Variants in INSYN2B observed in about 807,000 individuals in gnomAD.
The protein encoded by INSYN2B is inhibitory synaptic factor family member 2B, also known as protein INSYN2B.
Under a neutral mutation model 41.2 loss-of-function variants are expected in INSYN2B, and 16 were observed. That is an observed-to-expected ratio of 0.39 (90% CI 0.26 to 0.59). INSYN2B has a LOEUF of 0.59. Ranked by LOEUF, INSYN2B falls within the 20% of genes least tolerant of loss-of-function variation. INSYN2B has a pLI of 0.57. For synonymous variants in INSYN2B, 245 were observed against 244.4 expected (o/e 1.00, Z -0.02); for missense variants, 608 against 646.4 (o/e 0.94, Z 0.64).
At chr5:169,908,796 C>A (rs151322994) in intron 1 of INSYN2B, among the ~76,000 whole-genome samples, 349 of 149,024 alleles carry the variant, frequency 2.3e-3, no homozygotes, top group African/African-American at 8.2e-3. Context: ...CTCACTGCAA[C>A]CTCTGCCTCC....
At chr5:169,872,444 TA>T (rs1362735947) in intron 3 of INSYN2B, among the ~76,000 whole-genome samples, 1 of 152,236 alleles carries the variant, frequency 6.6e-6, no homozygotes, top group Non-Finnish European at 1.5e-5. Flanking sequence ...GCTCATTTTT[TA>T]TAGGGTTTAA....
intron 1 of INSYN2B, among the ~76,000 whole-genome samples, chr5:169,919,864 A>T (rs1438905926): frequency 6.6e-6 from 1 of 152,228 alleles, no homozygotes; most frequent in Admixed American, 6.5e-5. Context: ...GGAAACTTAG[A>T]CATTAACCAG....
rs575345481 is a variant in INSYN2B at position 169,861,842 on chromosome 5, C to A, written c.*2431G>T. Among the ~76,000 whole-genome samples the A allele has an allele frequency of 6.6e-6, 1 of 152,124 alleles. No homozygotes were observed. On this transcript the variant is annotated 3_prime_UTR_variant, in exon 4 of 4. Transcript: ENST00000377365. ...TTTCAGGTCAGTGGCCCAAGCAATG[C>A]GGTGTTGTGCTTTGGTGTAGAATCA...
At chr5:169,974,615 C>T (rs564559492) in intron 1 of INSYN2B, among the ~76,000 whole-genome samples, 7 of 152,034 alleles carry the variant, frequency 4.6e-5, no homozygotes, top group Non-Finnish European at 1.0e-4. Flanking sequence ...AGAGTGGGAG[C>T]GGAGCTGCTT....
chr5:169,900,192 G>A (rs1561807393), intron 1 of INSYN2B, among the ~76,000 whole-genome samples: 1 of 152,162 alleles, frequency 6.6e-6, no homozygotes, highest in Non-Finnish European at 1.5e-5. Flanking sequence ...ACGGTAAGAC[G>A]CAAGCTTTAA....
chr5:169,964,737 T>A (rs888148474), intron 1 of INSYN2B, among the ~76,000 whole-genome samples: 8 of 152,210 alleles, frequency 5.3e-5, no homozygotes, highest in South Asian at 2.1e-4. Flanking sequence ...AGTAGCTGAG[T>A]ATAGTTTCAG....
chr5:169,949,301 T>C (rs993532009), intron 1 of INSYN2B, among the ~76,000 whole-genome samples: 8 of 152,106 alleles, frequency 5.3e-5, no homozygotes, highest in African/African-American at 9.7e-5. Flanking sequence ...AGGAGGGAGA[T>C]CATAATAATG....
At position 169,943,769 on chromosome 5, in the gene INSYN2B, A is replaced by G. The variant is rs559217306; in HGVS notation, c.-919+36508T>C. Among the ~76,000 whole-genome samples the G allele has an allele frequency of 8.1e-4, 123 of 152,256 alleles. No individual in the cohort carries two copies. The Middle Eastern group carries it at 0.01, about 13-fold the overall frequency. On this transcript the variant is annotated intron_variant, in intron 1 of 3. Coordinates refer to ENST00000377365, the MANE Select transcript of INSYN2B (RefSeq NM_001129891.3). ...CCCTTCCCAGGCCTACTGATTCAGA[A>G]CAGTTGACGGTAGGGTCCAGGGACC...
At chr5:169,960,083 G>A (rs1422694) in intron 1 of INSYN2B, among the ~76,000 whole-genome samples, 48,786 of 152,076 alleles carry the variant, frequency 0.32, 9,136 homozygotes, top group African/African-American at 0.52. Context: ...ATGAGGGAAC[G>A]GTCAGGTTGA....
At chr5:169,914,140 A>G (rs908863549) in intron 1 of INSYN2B, among the ~76,000 whole-genome samples, 3 of 152,176 alleles carry the variant, frequency 2.0e-5, no homozygotes, top group Non-Finnish European at 2.9e-5. Context: ...CATCCTGAAG[A>G]CAACCCTTCA....
intron 1 of INSYN2B, among the ~76,000 whole-genome samples, chr5:169,950,232 C>T (rs1001175633): frequency 1.3e-5 from 2 of 152,200 alleles, no homozygotes; most frequent in Non-Finnish European, 2.9e-5. Context: ...AGCTCTAGCT[C>T]CATGCCCCTA....
At chr5:169,894,029 C>T (rs1383520184) in intron 1 of INSYN2B, among the ~76,000 whole-genome samples, 1 of 152,180 alleles carries the variant, frequency 6.6e-6, no homozygotes, top group Non-Finnish European at 1.5e-5. Flanking sequence ...ACCAGTCACA[C>T]ACATTTGGCT....
chr5:169,946,357 G>C (rs1047763383), intron 1 of INSYN2B, among the ~76,000 whole-genome samples: 1 of 152,194 alleles, frequency 6.6e-6, no homozygotes, highest in African/African-American at 2.4e-5. Context: ...TGAGGGGGAC[G>C]AGTCACAGGA....
chr5:169,952,929 G>A (rs547132060), intron 1 of INSYN2B, among the ~76,000 whole-genome samples: 2 of 152,320 alleles, frequency 1.3e-5, no homozygotes, highest in East Asian at 3.9e-4. Context: ...CAGATAGGGA[G>A]AAAACAGTAG....
chr5:169,943,827 C>A (rs947596508), intron 1 of INSYN2B, among the ~76,000 whole-genome samples: 1 of 152,164 alleles, frequency 6.6e-6, no homozygotes, highest in Non-Finnish European at 1.5e-5. Context: ...GTGACTCTGA[C>A]GCTCATTAAG....
At chr5:169,972,014 G>T (rs561211026) in intron 1 of INSYN2B, among the ~76,000 whole-genome samples, 270 of 152,336 alleles carry the variant, frequency 1.8e-3, no homozygotes, top group Non-Finnish European at 2.9e-3. Flanking sequence ...ACTCTTTCCT[G>T]CTGAGCTAGG....
intron 3 of INSYN2B, among the ~76,000 whole-genome samples, chr5:169,865,788 T>C (rs1022440766): frequency 2.0e-5 from 3 of 152,132 alleles, no homozygotes; most frequent in East Asian, 1.9e-4. Flanking sequence ...AAAGACCCCA[T>C]GTTGGTTTAT....
At chr5:169,868,410 C>G (rs1214314931) in intron 3 of INSYN2B, among the ~76,000 whole-genome samples, 1 of 152,180 alleles carries the variant, frequency 6.6e-6, no homozygotes, top group East Asian at 1.9e-4. Flanking sequence ...AATAAACAAA[C>G]AATGACAACA....
At position 169,882,534 on chromosome 5, in the gene INSYN2B, G is replaced by GAA; in HGVS notation, c.1346+17_1346+18dup. On this transcript the variant is annotated intron_variant, in intron 2 of 3. Coordinates refer to ENST00000377365, the MANE Select transcript of INSYN2B (RefSeq NM_001129891.3). ...GACTTCACCCAGTCATTTTTAATATGAAAAAAAAATCTCCTTACCCTTCAG... is the reference window on the plus strand; with the variant it reads ...GACTTCACCCAGTCATTTTTAATATGAAAAAAAAAAATCTCCTTACCCTTCAG... 1 of 1,509,128 alleles carries GAA rather than the reference G, an allele frequency of 6.6e-7. No homozygotes were observed. The highest frequency in any genetic ancestry group is 8.9e-7 in the Non-Finnish European group (1 of 1,120,770). The allele number at this position is 1,509,128 out of a possible 1,614,324, so 93.5% of individuals were successfully genotyped here. A position where few individuals can be genotyped will look rare whatever the true frequency, so the allele number is the denominator to read the frequency against.
Sources: allele counts gnomAD v4.1 joint callset (sites outside exome capture counted in the v4.1 genomes callset), GRCh38; gene constraint gnomAD v4.1.1; transcripts MANE v1.5; gene names NCBI Gene and HGNC (gene_info 2026-07-23, HGNC 2026-07-21).